The following DOP1A variants were observed in gnomAD, a reference collection of about 807,000 sequenced individuals.
The protein encoded by DOP1A is protein DOP1A.
Under a neutral mutation model 267.6 loss-of-function variants are expected in DOP1A, and 90 were observed. That is an observed-to-expected ratio of 0.34 (90% CI 0.28 to 0.40). The LOEUF (loss-of-function observed/expected upper bound fraction) is 0.40. DOP1A is among the 10% of genes least tolerant of loss of function. The pLI is 1.00. For synonymous variants in DOP1A, 932 were observed against 999.1 expected (o/e 0.93, Z 1.27); for missense variants, 2,437 against 2,900.4 (o/e 0.84, Z 3.67).
At chr6:83,153,710 A>G in intron 31 of DOP1A, 90 bp downstream of exon 31, 1 of 1,217,122 alleles carries the variant, frequency 8.2e-7, no homozygotes, top group East Asian at 2.6e-5. Context: ...TAGAATTATC[A>G]TAAAATGGCA....
At chr6:83,124,635 A>T in intron 12 of DOP1A, 70 bp from the exon 13 acceptor site, 1 of 1,090,922 alleles carries the variant, frequency 9.2e-7, no homozygotes, top group Non-Finnish European at 1.4e-6. Flanking sequence ...CATTAGAAGG[A>T]TGATGATGCT....
At chr6:83,135,479 C>A (rs1042727562) in intron 19 of DOP1A, 140 bp from the exon 20 acceptor site, 2 of 942,414 alleles carry the variant, frequency 2.1e-6, no homozygotes, top group Admixed American at 3.1e-5. Flanking sequence ...TATTAAAATA[C>A]TATGATCAAA....
chr6:83,138,671 T>G lies in DOP1A; in HGVS notation c.4629T>G (p.His1543Gln). 6.2e-7 allele frequency: 1 copy of G among 1,613,938 alleles called. No homozygotes were observed. The highest frequency in any genetic ancestry group is 2.2e-5 in the East Asian group (1 of 44,872). The change falls in exon 21 of 39, where the codon CAT becomes CAG. Residue 1543 changes from histidine to glutamine, a missense_variant. Transcript: ENST00000349129. ...CTATCTTTAGTGCTCAGAAATGGCATAGTGAAAAAATGGCAGGTAAGAACC... is the reference window on the plus strand; with the variant it reads ...CTATCTTTAGTGCTCAGAAATGGCAGAGTGAAAAAATGGCAGGTAAGAACC... ...LSSIFSAQKWHSEKMAGKNLV... is the reference protein window; with the variant it reads ...LSSIFSAQKWQSEKMAGKNLV...
At position 83,138,618 on chromosome 6, in the gene DOP1A, A is replaced by C; in HGVS notation, c.4576A>C (p.Lys1526Gln). The change falls in exon 21 of 39, where the codon AAA becomes CAA. Residue 1526 changes from lysine (K) to glutamine (Q), a missense_variant. Lys to Gln is a moderately conservative substitution (Grantham distance 53). This residue lies in a region of DOP1A where 878 missense variants were observed against 992.9 expected (regional missense o/e 0.88). Coordinates refer to ENST00000349129, the MANE Select transcript of DOP1A (RefSeq NM_015018.4). ...TATGTTATCTAAGTGCAAAGTTCAGAAAGTGATTCTTCATTGTTTGCTGTC... is the reference window on the plus strand; with the variant it reads ...TATGTTATCTAAGTGCAAAGTTCAGCAAGTGATTCTTCATTGTTTGCTGTC... ...SDMLSKCKVQ[K>Q]VILHCLLSSI... is the part of the protein sequence containing the mutation. 1 of 1,613,918 alleles carries C rather than the reference A, an allele frequency of 6.2e-7. No individual in the cohort carries two copies. The highest frequency in any genetic ancestry group is 1.3e-5 in the African/African-American group (1 of 75,034).
intron 1 of DOP1A, among the ~76,000 whole-genome samples, chr6:83,069,096 G>C (rs116546667): frequency 0.012 from 1,845 of 152,308 alleles, 26 homozygotes; most frequent in African/African-American, 0.037. Context: ...AAAGGAGTGA[G>C]CTCTGGCCTG....
At chr6:83,127,996 C>T (rs1777463359) in intron 15 of DOP1A, among the ~76,000 whole-genome samples, 1 of 152,082 alleles carries the variant, frequency 6.6e-6, no homozygotes, top group African/African-American at 2.4e-5. Context: ...CCCTTAACCC[C>T]TCTACTGATA....
Position 83,132,165 on chromosome 6 carries a change from C to G in DOP1A, c.2617-11C>G. 6.3e-7 allele frequency: 1 copy of G among 1,597,930 alleles called. No homozygotes were observed. The highest frequency in any genetic ancestry group is 8.6e-7 in the Non-Finnish European group (1 of 1,167,522). Reference sequence around the variant, plus strand: ...GGTATTGTGACTGTCACTTTTACATCTTTTTTATAGCATGTAGCTTTAACA... The same window carrying G: ...GGTATTGTGACTGTCACTTTTACATGTTTTTTATAGCATGTAGCTTTAACA... On this transcript the variant is annotated splice_polypyrimidine_tract_variant and intron_variant, in intron 17 of 38. Coordinates refer to ENST00000349129, the MANE Select transcript of DOP1A (RefSeq NM_015018.4).
intron 1 of DOP1A, among the ~76,000 whole-genome samples, chr6:83,075,921 T>C (rs1161395380): frequency 1.3e-5 from 2 of 152,182 alleles, no homozygotes; most frequent in Non-Finnish European, 2.9e-5. Flanking sequence ...CTTTATGACA[T>C]TGAGTTTGGC....
At chr6:83,110,985 C>T (rs536073239) in intron 6 of DOP1A, among the ~76,000 whole-genome samples, 1 of 152,274 alleles carries the variant, frequency 6.6e-6, no homozygotes, top group African/African-American at 2.4e-5. Flanking sequence ...TTACATCACC[C>T]TAAAAAGTCC....
downstream of DOP1A, chr6:83,168,826 C>T (rs1041395989): frequency 2.4e-5 from 25 of 1,024,012 alleles, no homozygotes; most frequent in African/African-American, 3.8e-4. Flanking sequence ...CTTCTCTGCC[C>T]TCTCCATTTG....
At chr6:83,090,531 AAGTC>A (rs1441840219) in intron 1 of DOP1A, among the ~76,000 whole-genome samples, 1 of 152,212 alleles carries the variant, frequency 6.6e-6, no homozygotes, top group African/African-American at 2.4e-5. Context: ...ATTATGATCT[AAGTC>A]AGTGGTGTTT....
At chr6:83,067,836 CCTT>C (rs1784926986) in intron 1 of DOP1A, 57 bp downstream of exon 1, 1 of 152,436 alleles carries the variant, frequency 6.6e-6, no homozygotes, top group East Asian at 1.9e-4. Context: ...CTCCGAGCAT[CCTT>C]CTCGGCCCGG....
chr6:83,162,950 TAC>T, intron 38 of DOP1A, 31 bp downstream of exon 38: 1 of 1,599,464 alleles, frequency 6.3e-7, no homozygotes, highest in Non-Finnish European at 8.5e-7. Context: ...TGTTTTGTTT[TAC>T]ATCACTACAT....
At chr6:83,085,888 A>G (rs1159980468) in intron 1 of DOP1A, among the ~76,000 whole-genome samples, 1 of 152,102 alleles carries the variant, frequency 6.6e-6, no homozygotes, top group Non-Finnish European at 1.5e-5. Flanking sequence ...AGGCAAAGGA[A>G]TGACATAATG....
chr6:83,080,898 AAG>A (rs1767960283), intron 1 of DOP1A, among the ~76,000 whole-genome samples: 1 of 152,186 alleles, frequency 6.6e-6, no homozygotes, highest in Admixed American at 6.5e-5. Flanking sequence ...AAATAGAAAA[AAG>A]AAAATCCTAA....
At chr6:83,169,374 A>G, downstream of DOP1A, 1 of 1,602,362 alleles carries the variant, frequency 6.2e-7, no homozygotes. Flanking sequence ...GCATGTGTCT[A>G]ACATGGGCAA....
chr6:83,084,757 AT>A (rs78069437), intron 1 of DOP1A, among the ~76,000 whole-genome samples: 921 of 131,148 alleles, frequency 7.0e-3, no homozygotes, highest in Admixed American at 7.6e-3. Context: ...TAATTTTTGT[AT>A]TTTTTTTTTT....
chr6:83,125,299 T>A lies in DOP1A; in HGVS notation c.1485+104T>A, dbSNP rs561129959. On this transcript the variant is annotated intron_variant, in intron 14 of 38. Coordinates refer to ENST00000349129, the MANE Select transcript of DOP1A (RefSeq NM_015018.4). The stretch of plus-strand genomic sequence containing the variant: ...AAAACTGGGGTTATTTTATAATATA[T>A]GCTTTGAAGTATTTAAATTGAGAAT... 25 of 1,210,794 alleles carry A rather than the reference T, an allele frequency of 2.1e-5. No homozygotes were observed. The South Asian group carries it at 3.6e-4, about 18-fold the overall frequency. The allele number at this position is 1,210,794 out of a possible 1,614,324, so 75.0% of individuals were successfully genotyped here. A position where few individuals can be genotyped will look rare whatever the true frequency, so the allele number is the denominator to read the frequency against.
chr6:83,144,931 C>CT (rs1242831774), intron 24 of DOP1A, among the ~76,000 whole-genome samples: 9 of 149,324 alleles, frequency 6.0e-5, no homozygotes, highest in Non-Finnish European at 1.3e-4. Flanking sequence ...TAGGGAGACT[C>CT]TGTCTCCACA....
Sources: gnomAD v4.1 joint callset for allele counts (sites outside exome capture counted in the v4.1 genomes callset) on GRCh38, gnomAD v4.1.1 for gene constraint, gnomAD v4.1.1 regional missense constraint, MANE v1.5 for transcripts, NCBI Gene and HGNC (gene_info 2026-07-23, HGNC 2026-07-21) for gene names.